The following SLIT3 variants were observed in gnomAD, a reference collection of about 807,000 sequenced individuals.
SLIT3 encodes the protein slit homolog 3 protein.
A neutral mutation model predicts 184.0 loss-of-function variants in SLIT3; 68 were observed. The observed-to-expected ratio is 0.37, with a 90% CI of 0.30 to 0.45. The LOEUF (loss-of-function observed/expected upper bound fraction) is 0.45. SLIT3 is among the 20% of genes least tolerant of loss of function. The probability of loss-of-function intolerance (pLI) is 1.00; values close to 1 mark genes in which losing one functional copy is unlikely to be tolerated. For missense variants in SLIT3, 1,707 were observed against 2,026.0 expected (o/e 0.84, Z 3.02); for synonymous variants, 831 against 828.6 (o/e 1.00, Z -0.05).
chr5:168,948,135 G>A (rs1762544640), intron 4 of SLIT3, among the ~76,000 whole-genome samples: 1 of 152,140 alleles, frequency 6.6e-6, no homozygotes, highest in Non-Finnish European at 1.5e-5. Context: ...CCCACAGGAA[G>A]GGCAGTGAAT....
At chr5:169,052,922 C>A (rs1222063541) in intron 4 of SLIT3, among the ~76,000 whole-genome samples, 1 of 151,786 alleles carries the variant, frequency 6.6e-6, no homozygotes, top group African/African-American at 2.4e-5. Context: ...TTGCAGAGAA[C>A]CACCGCCTCC....
At chr5:168,820,927 C>A (rs914568701) in intron 7 of SLIT3, among the ~76,000 whole-genome samples, 1 of 152,266 alleles carries the variant, frequency 6.6e-6, no homozygotes, top group South Asian at 2.1e-4. Context: ...CTCTCCTCTT[C>A]CCCGCTTCTC....
intron 3 of SLIT3, among the ~76,000 whole-genome samples, chr5:169,235,590 C>G (rs930999535): frequency 6.6e-6 from 1 of 152,110 alleles, no homozygotes; most frequent in Non-Finnish European, 1.5e-5. Flanking sequence ...TTTTTACTTT[C>G]TGTGTTTATT....
intron 6 of SLIT3, among the ~76,000 whole-genome samples, chr5:168,828,106 A>C (rs1040245520): frequency 1.1e-4 from 16 of 152,242 alleles, no homozygotes; most frequent in African/African-American, 3.9e-4. Context: ...AGAGGCATTC[A>C]AAACTTAAAA....
At chr5:169,272,117 G>A (rs1427065966) in intron 1 of SLIT3, among the ~76,000 whole-genome samples, 2 of 152,206 alleles carry the variant, frequency 1.3e-5, no homozygotes, top group African/African-American at 4.8e-5. Flanking sequence ...ATCTGACTTC[G>A]TCCCTTCTCT....
chr5:168,892,255 G>A (rs1401089064), intron 4 of SLIT3, among the ~76,000 whole-genome samples: 1 of 152,214 alleles, frequency 6.6e-6, no homozygotes, highest in African/African-American at 2.4e-5. Context: ...TTAATGAGAT[G>A]CTTTGCATTC....
intron 4 of SLIT3, among the ~76,000 whole-genome samples, chr5:168,952,838 G>A (rs12153344): frequency 0.039 from 5,994 of 152,314 alleles, 166 homozygotes; most frequent in Middle Eastern, 0.061. Context: ...ATGAGGTTTC[G>A]CAGTCGGGGA....
At chr5:168,710,790 G>C (rs1416781161) in intron 25 of SLIT3, 105 bp downstream of exon 25, 1 of 1,010,726 alleles carries the variant, frequency 9.9e-7, no homozygotes, top group Non-Finnish European at 1.3e-6. Flanking sequence ...ACAGGGTGAA[G>C]GTTTCTGAAG....
At chr5:168,824,808 C>T (rs1014890320) in intron 6 of SLIT3, among the ~76,000 whole-genome samples, 44 of 152,220 alleles carry the variant, frequency 2.9e-4, no homozygotes, top group Non-Finnish European at 5.9e-5. Context: ...TCCTGAGCCT[C>T]CATGGGTCCC....
intron 4 of SLIT3, among the ~76,000 whole-genome samples, chr5:168,945,525 C>T (rs1013374680): frequency 2.6e-5 from 4 of 152,192 alleles, no homozygotes; most frequent in African/African-American, 9.6e-5. Flanking sequence ...CATGAGCCAC[C>T]ACGCCCGGCC....
chr5:169,299,766 C>A (rs1427701482), intron 1 of SLIT3, among the ~76,000 whole-genome samples: 1 of 152,236 alleles, frequency 6.6e-6, no homozygotes, highest in African/African-American at 2.4e-5. Flanking sequence ...TCTCCATTCG[C>A]TGCCAAGCCC....
chr5:169,118,091 T>C (rs1760754196), intron 4 of SLIT3, among the ~76,000 whole-genome samples: 1 of 152,124 alleles, frequency 6.6e-6, no homozygotes, highest in South Asian at 2.1e-4. Context: ...GGCGGGAGGA[T>C]CACTTGAGCC....
chr5:169,243,250 C>T (rs908436597), intron 3 of SLIT3, among the ~76,000 whole-genome samples: 1 of 152,120 alleles, frequency 6.6e-6, no homozygotes, highest in African/African-American at 2.4e-5. Context: ...AATCAGAAGG[C>T]TAAGCAAGGG....
At chr5:169,008,811 A>C (rs947659327) in intron 4 of SLIT3, among the ~76,000 whole-genome samples, 3 of 152,158 alleles carry the variant, frequency 2.0e-5, no homozygotes, top group Admixed American at 1.3e-4. Context: ...CAGATAAACT[A>C]TTCTGAAAGC....
chr5:169,014,539 A>G (rs1263665431), intron 4 of SLIT3, among the ~76,000 whole-genome samples: 4 of 152,184 alleles, frequency 2.6e-5, no homozygotes. Context: ...CCACACAGAC[A>G]CACACACTTT....
intron 8 of SLIT3, among the ~76,000 whole-genome samples, chr5:168,812,622 A>G (rs1392132719): frequency 6.6e-6 from 1 of 152,234 alleles, no homozygotes; most frequent in East Asian, 1.9e-4. Context: ...TCCAGTATTC[A>G]AATTAAGCAT....
chr5:168,988,500 G>T (rs1755210165), intron 4 of SLIT3, among the ~76,000 whole-genome samples: 1 of 152,054 alleles, frequency 6.6e-6, no homozygotes, highest in South Asian at 2.1e-4. Context: ...TCTTTCCAAG[G>T]GCTCCCGACC....
chr5:168,954,646 T>G (rs1242094053), intron 4 of SLIT3, among the ~76,000 whole-genome samples: 1 of 152,216 alleles, frequency 6.6e-6, no homozygotes, highest in Non-Finnish European at 1.5e-5. Flanking sequence ...CAACGTCATT[T>G]GAAGCCAAGG....
At chr5:168,732,994 C>T (rs539078131) in intron 20 of SLIT3, among the ~76,000 whole-genome samples, 1 of 151,718 alleles carries the variant, frequency 6.6e-6, no homozygotes, top group South Asian at 2.1e-4. Context: ...AGCTTCTGCA[C>T]AGCAAAAGAA....
Sources: allele counts gnomAD v4.1 joint callset (sites outside exome capture counted in the v4.1 genomes callset), GRCh38; gene constraint gnomAD v4.1.1; transcripts MANE v1.5; gene names NCBI Gene and HGNC (gene_info 2026-07-23, HGNC 2026-07-21).